SP1: variants seen among roughly 807,000 people sequenced by gnomAD.
SP1 encodes the protein transcription factor Sp1.
In SP1, 6 loss-of-function variants were observed where a neutral mutation model predicts 66.3. The ratio of observed to expected loss-of-function variants is 0.09; its 90% confidence interval spans 0.05 to 0.18. SP1 has a LOEUF of 0.18. Among genes scored for constraint, SP1 ranks in the 10% least tolerant of loss-of-function variants. The pLI, the probability that SP1 is intolerant of heterozygous loss-of-function variation, is 1.00. For missense variants in SP1, 848 were observed against 964.5 expected (o/e 0.88, Z 1.60); for synonymous variants, 417 against 360.8 (o/e 1.16, Z -1.77).
chr12:53,380,263 C>A lies in SP1; in HGVS notation c.-29C>A. The stretch of plus-strand genomic sequence containing the variant: ...CCCCCCCAACCCCCCCGGACAGGAC[C>A]CCCTTGAGCTTGTCCCTCAGCTGCC... On this transcript the variant is annotated 5_prime_UTR_variant, in exon 1 of 6. Transcript: ENST00000327443. 6.4e-7 allele frequency: 1 copy of A among 1,572,216 alleles called. No homozygotes were observed. The highest frequency in any genetic ancestry group is 8.7e-7 in the Non-Finnish European group (1 of 1,145,018).
chr12:53,411,278 C>A lies in SP1; in HGVS notation c.*38C>A. On this transcript the variant is annotated 3_prime_UTR_variant, in exon 6 of 6. Transcript: ENST00000327443. Reference sequence around the variant, plus strand: ...GGGGCCAGAGACATATGGGCCATACCCCTTAACCCCGGGATGCAAGGTAGC... The same window carrying A: ...GGGGCCAGAGACATATGGGCCATACACCTTAACCCCGGGATGCAAGGTAGC... The A allele has an allele frequency of 6.5e-7, 1 of 1,535,810 alleles. No individual in the cohort carries two copies. Among genetic ancestry groups the A allele is most frequent in the Non-Finnish European group, 8.9e-7 (1 of 1,126,492 alleles).
At chr12:53,397,518 G>A (rs985605422) in intron 3 of SP1, among the ~76,000 whole-genome samples, 3 of 142,322 alleles carry the variant, frequency 2.1e-5, no homozygotes, top group East Asian at 2.1e-4. Context: ...AGACTGGAAT[G>A]CAGTGGTGCA....
At chr12:53,387,334 T>C (rs1301730349) in intron 3 of SP1, among the ~76,000 whole-genome samples, 1 of 152,200 alleles carries the variant, frequency 6.6e-6, no homozygotes, top group East Asian at 1.9e-4. Context: ...TAACTGATTC[T>C]TACATAAGTG....
chr12:53,411,818 A>T lies in SP1; in HGVS notation c.*578A>T, dbSNP rs1938895436. 1 of 152,050 alleles carries T rather than the reference A, an allele frequency of 6.6e-6. No individual in the cohort carries two copies. Among genetic ancestry groups the T allele is most frequent in the Non-Finnish European group, 1.5e-5 (1 of 67,894 alleles). 9.4% of individuals were successfully genotyped at this position (152,050 alleles called of 1,614,324 possible). ...TGTGACACATCAAGCTTTTCTGTAGATGTTGTCTTGGCTTCCCACCAGCTT... is the reference window on the plus strand; with the variant it reads ...TGTGACACATCAAGCTTTTCTGTAGTTGTTGTCTTGGCTTCCCACCAGCTT... On this transcript the variant is annotated 3_prime_UTR_variant, in exon 6 of 6. Coordinates refer to ENST00000327443, the MANE Select transcript of SP1 (RefSeq NM_138473.3).
rs1170621826 is a variant in SP1, at chr12:53,411,662, A to ATG, written c.*423_*424insGT. 1 of 147,816 alleles carries ATG rather than the reference A, an allele frequency of 6.8e-6. No homozygotes were observed. The highest frequency in any genetic ancestry group is 2.5e-5 in the African/African-American group (1 of 40,522). The allele number at this position is 147,816 out of a possible 1,614,324, so 9.2% of individuals were successfully genotyped here. ...AAACAGATTCTATATTATTATATAT[A>ATG]TATATATATATATAAAGATATATAG... On this transcript the variant is annotated 3_prime_UTR_variant, in exon 6 of 6. Coordinates refer to ENST00000327443, the MANE Select transcript of SP1 (RefSeq NM_138473.3).
chr12:53,392,347 A>ATTTTTT (rs574953864), intron 3 of SP1, among the ~76,000 whole-genome samples: 2 of 85,340 alleles, frequency 2.3e-5, no homozygotes, highest in Non-Finnish European at 4.1e-5. Flanking sequence ...CACCTGGCTA[A>ATTTTTT]TTTTTTTTTT....
chr12:53,404,263 G>A (rs571025214), intron 3 of SP1, among the ~76,000 whole-genome samples: 1 of 151,802 alleles, frequency 6.6e-6, no homozygotes, highest in Non-Finnish European at 1.5e-5. Context: ...GCCGGGTGCG[G>A]TGACTCACGC....
At chr12:53,407,405 G>A (rs571678751) in intron 4 of SP1, among the ~76,000 whole-genome samples, 13 of 150,460 alleles carry the variant, frequency 8.6e-5, no homozygotes, top group Non-Finnish European at 1.5e-4. Flanking sequence ...TTGGCTCACT[G>A]CAACCTCCAC....
At position 53,416,226 on chromosome 12, in the gene SP1, C is replaced by T. The variant is rs958473617; in HGVS notation, c.*4986C>T. The T allele has an allele frequency of 2.0e-5, 3 of 153,116 alleles. No homozygotes were observed. The highest frequency in any genetic ancestry group is 4.4e-5 in the Non-Finnish European group (3 of 68,526). The allele number at this position is 153,116 out of a possible 1,614,324, so 9.5% of individuals were successfully genotyped here. A position where few individuals can be genotyped will look rare whatever the true frequency, so the allele number is the denominator to read the frequency against. ...AATGCTCTCTCATCTTGTTCTTCCC[C>T]CTCACCCCCCACTCTTAGGTATGTA... On this transcript the variant is annotated 3_prime_UTR_variant, in exon 6 of 6. Coordinates refer to ENST00000327443, the MANE Select transcript of SP1 (RefSeq NM_138473.3).
At chr12:53,410,842 C>T in intron 5 of SP1, 85 bp from the exon 6 acceptor site, 1 of 961,716 alleles carries the variant, frequency 1.0e-6, no homozygotes, top group Non-Finnish European at 1.6e-6. Flanking sequence ...TGGCCTTACT[C>T]AGCTTAGTAG....
intron 3 of SP1, among the ~76,000 whole-genome samples, chr12:53,397,448 A>G (rs1032117504): frequency 1.3e-5 from 2 of 149,084 alleles, no homozygotes; most frequent in African/African-American, 5.0e-5. Context: ...TAAACACTAT[A>G]TAGGATAATA....
At chr12:53,390,278 T>A (rs1938319522) in intron 3 of SP1, among the ~76,000 whole-genome samples, 1 of 152,224 alleles carries the variant, frequency 6.6e-6, no homozygotes, top group Non-Finnish European at 1.5e-5. Flanking sequence ...ATTTAAAAAA[T>A]TTATTTTCTA....
intron 3 of SP1, among the ~76,000 whole-genome samples, chr12:53,401,554 G>C (rs1938612088): frequency 6.6e-6 from 1 of 151,364 alleles, no homozygotes; most frequent in African/African-American, 2.4e-5. Context: ...GTAAACTGCA[G>C]AGTCAAGAAA....
chr12:53,392,377 G>T (rs1367594887), intron 3 of SP1, among the ~76,000 whole-genome samples: 6 of 90,102 alleles, frequency 6.7e-5, no homozygotes, highest in Admixed American at 1.4e-4. Context: ...TTTTTTTTGA[G>T]ACGGAGTCTC....
chr12:53,406,786 A>T (rs760137411), intron 4 of SP1, 33 bp downstream of exon 4: 9 of 1,563,184 alleles, frequency 5.8e-6, no homozygotes, highest in Admixed American at 1.9e-5. Context: ...TTACAAATAT[A>T]AAGAAAAATT....
intron 3 of SP1, among the ~76,000 whole-genome samples, chr12:53,396,857 G>T (rs945887251): frequency 1.3e-5 from 2 of 151,676 alleles, no homozygotes; most frequent in Non-Finnish European, 2.9e-5. Flanking sequence ...CCTCAAACTC[G>T]GGCTCAAGTG....
chr12:53,406,493 A>G, intron 3 of SP1, 92 bp from the exon 4 acceptor site: 1 of 1,106,730 alleles, frequency 9.0e-7, no homozygotes, highest in Non-Finnish European at 1.3e-6. Context: ...TGTCAGTTCA[A>G]AAGAAATGAT....
chr12:53,382,448 G>A lies in SP1; in HGVS notation c.501G>A (p.Val167=). Residue 167 remains valine (V), a synonymous_variant, in exon 3 of 6, where the codon GTG becomes GTA. Coordinates refer to ENST00000327443, the MANE Select transcript of SP1 (RefSeq NM_138473.3). ...AAGTTCTGACAGGACTACCTGGAGT[G>A]ATGCCTAATATTCAGTATCAAGTAA... ...NQQVLTGLPG[V]MPNIQYQVIP... 2.5e-6 allele frequency: 4 copies of A among 1,614,190 alleles called. No individual in the cohort carries two copies. Among genetic ancestry groups the A allele is most frequent in the Non-Finnish European group, 3.4e-6 (4 of 1,180,032 alleles).
Position 53,382,410 on chromosome 12 carries a change from T to C in SP1, c.463T>C (p.Leu155=). 6.2e-7 allele frequency: 1 copy of C among 1,614,170 alleles called. No homozygotes were observed. Among genetic ancestry groups the C allele is most frequent in the Middle Eastern group, 1.6e-4 (1 of 6,062 alleles). The change falls in exon 3 of 6, where the codon TTA becomes CTA. Residue 155 remains leucine, a synonymous_variant. Transcript: ENST00000327443. ...GTATGTTGTGGCTGCCGCTCCCAAC[T>C]TACAGAACCAGCAAGTTCTGACAGG... The part of the protein sequence containing the change: ...GQYVVAAAPN[L]QNQQVLTGLP...
Sources: allele counts gnomAD v4.1 joint callset (sites outside exome capture counted in the v4.1 genomes callset), GRCh38; gene constraint gnomAD v4.1.1; transcripts MANE v1.5; gene names NCBI Gene and HGNC (gene_info 2026-07-23, HGNC 2026-07-21).